Variants in GALNTL6 observed in about 807,000 individuals in gnomAD.
GALNTL6 encodes the protein polypeptide N-acetylgalactosaminyltransferase-like 6.
GALNTL6 carries 46 observed loss-of-function variants against 73.7 expected under a neutral mutation model. The observed-to-expected ratio is 0.62, with a 90% CI of 0.49 to 0.80. The LOEUF (loss-of-function observed/expected upper bound fraction) is 0.80. GALNTL6 is among the 30% of genes least tolerant of loss of function. The pLI is 0.00. For synonymous variants in GALNTL6, 259 were observed against 263.7 expected (o/e 0.98, Z 0.17); for missense variants, 604 against 755.0 (o/e 0.80, Z 2.34).
intron 3 of GALNTL6, among the ~76,000 whole-genome samples, chr4:172,264,679 T>A (rs1738392641): frequency 6.8e-6 from 1 of 147,928 alleles, no homozygotes; most frequent in South Asian, 2.1e-4. Context: ...TGTGTATATA[T>A]ATATATAATT....
chr4:172,419,449 T>C (rs1319107907), intron 5 of GALNTL6, among the ~76,000 whole-genome samples: 1 of 152,196 alleles, frequency 6.6e-6, no homozygotes, highest in Non-Finnish European at 1.5e-5. Context: ...TTCGATTTCT[T>C]TCTTTCAAAG....
intron 2 of GALNTL6, among the ~76,000 whole-genome samples, chr4:171,941,765 G>T (rs1211794151): frequency 6.6e-6 from 1 of 152,112 alleles, no homozygotes; most frequent in Non-Finnish European, 1.5e-5. Context: ...CGAACTGGCA[G>T]AATTTTTTTC....
intron 5 of GALNTL6, among the ~76,000 whole-genome samples, chr4:172,630,601 A>G (rs79508680): frequency 0.032 from 4,793 of 152,030 alleles, 123 homozygotes; most frequent in South Asian, 0.091. Context: ...TAAGACAGCC[A>G]TCCAATCCTC....
intron 2 of GALNTL6, among the ~76,000 whole-genome samples, chr4:172,069,665 T>C (rs1182056180): frequency 7.3e-5 from 7 of 95,472 alleles, no homozygotes; most frequent in Admixed American, 4.6e-4. Flanking sequence ...TCTGACAACA[T>C]ATGTGTAATT....
chr4:171,813,604 C>G lies in GALNTL6; in HGVS notation c.-556C>G, dbSNP rs1579475373. 6.6e-6 allele frequency: 1 copy of G among 152,360 alleles called. No homozygotes were observed. The highest frequency in any genetic ancestry group is 1.9e-4 in the East Asian group (1 of 5,188). The allele number at this position is 152,360 out of a possible 1,614,324, so 9.4% of individuals were successfully genotyped here. A position where few individuals can be genotyped will look rare whatever the true frequency, so the allele number is the denominator to read the frequency against. On this transcript the variant is annotated 5_prime_UTR_variant, in exon 1 of 13. Transcript: ENST00000506823. This position sits in a 1 kb window ranked among gnomAD's most constrained non-coding sequence, Gnocchi z 5.2. ...ATCAAAAAATATTGCCCTTTAGGTGCTCGTGATGGTCCTGTGGGTTCGTTC... is the reference window on the plus strand; with the variant it reads ...ATCAAAAAATATTGCCCTTTAGGTGGTCGTGATGGTCCTGTGGGTTCGTTC...
chr4:171,944,988 A>G (rs1738660183), intron 2 of GALNTL6, among the ~76,000 whole-genome samples: 2 of 152,044 alleles, frequency 1.3e-5, no homozygotes, highest in South Asian at 2.1e-4. Context: ...AAGAGTATAG[A>G]AAATATTAGT....
At chr4:172,197,462 A>G (rs1459724510) in intron 2 of GALNTL6, among the ~76,000 whole-genome samples, 1 of 152,176 alleles carries the variant, frequency 6.6e-6, no homozygotes, top group Admixed American at 6.5e-5. Context: ...ATATCAAACC[A>G]AAAAAGAATC....
intron 3 of GALNTL6, among the ~76,000 whole-genome samples, chr4:172,235,739 C>T (rs1737220804): frequency 6.6e-6 from 1 of 152,024 alleles, no homozygotes; most frequent in African/African-American, 2.4e-5. Flanking sequence ...GAACCTGTTA[C>T]TCCAGTTCTC....
intron 5 of GALNTL6, among the ~76,000 whole-genome samples, chr4:172,807,659 G>C (rs58933837): frequency 0.014 from 2,169 of 152,232 alleles, 49 homozygotes; most frequent in African/African-American, 0.048. Context: ...CCATTGTGGA[G>C]CTCCCTCCCA....
chr4:172,710,304 A>C (rs183011500), intron 5 of GALNTL6, among the ~76,000 whole-genome samples: 2 of 152,312 alleles, frequency 1.3e-5, no homozygotes, highest in East Asian at 1.9e-4. Context: ...GAAGAAAGCA[A>C]AGATGTGTTA....
At chr4:172,369,523 G>A (rs947113319) in intron 5 of GALNTL6, among the ~76,000 whole-genome samples, 1 of 152,192 alleles carries the variant, frequency 6.6e-6, no homozygotes, top group Non-Finnish European at 1.5e-5. Flanking sequence ...CGGAGCAGGG[G>A]GTGGCACCCG....
intron 2 of GALNTL6, among the ~76,000 whole-genome samples, chr4:171,855,108 G>C (rs1330320319): frequency 6.6e-6 from 1 of 151,952 alleles, no homozygotes; most frequent in African/African-American, 2.4e-5. Context: ...TAATTAGCCA[G>C]TTTTGATGTT....
At chr4:171,866,311 T>C (rs1735969347) in intron 2 of GALNTL6, among the ~76,000 whole-genome samples, 1 of 152,290 alleles carries the variant, frequency 6.6e-6, no homozygotes, top group African/African-American at 2.4e-5. Context: ...AAATTTTTTT[T>C]CTTAAATGCC....
rs568543884 is a variant in GALNTL6, at chr4:172,500,960, A to G, written c.553+152271A>G. ...TCCCTATGTTTCACAAATAGTGGTA[A>G]ATTGTCAAAACCAGTAGACTACTAT... On this transcript the variant is annotated intron_variant, in intron 5 of 12. Transcript: ENST00000506823. 2.0e-5 allele frequency among the ~76,000 whole-genome samples: 3 copies of G among 152,350 alleles called. No individual in the cohort carries two copies. In the South Asian group the frequency reaches 6.2e-4, roughly 32 times the overall value.
intron 2 of GALNTL6, among the ~76,000 whole-genome samples, chr4:172,081,142 T>C (rs1290358047): frequency 2.0e-5 from 3 of 152,196 alleles, no homozygotes; most frequent in Admixed American, 6.5e-5. Context: ...AATAGATATA[T>C]AGACATCAAA....
At chr4:172,421,399 G>A (rs568936812) in intron 5 of GALNTL6, among the ~76,000 whole-genome samples, 1 of 152,040 alleles carries the variant, frequency 6.6e-6, no homozygotes, top group South Asian at 2.1e-4. Flanking sequence ...AGAATATGCT[G>A]TGTGCTATAA....
chr4:172,385,385 A>G (rs1308059178), intron 5 of GALNTL6, among the ~76,000 whole-genome samples: 1 of 151,988 alleles, frequency 6.6e-6, no homozygotes, highest in African/African-American at 2.4e-5. Flanking sequence ...GAAATCTTCA[A>G]TATTTATCAC....
intron 2 of GALNTL6, among the ~76,000 whole-genome samples, chr4:172,058,550 A>G (rs1560904614): frequency 6.6e-6 from 1 of 151,834 alleles, no homozygotes; most frequent in Non-Finnish European, 1.5e-5. Context: ...GTGTGTGTGC[A>G]TGTACACTTG....
chr4:172,343,677 A>G (rs1274866890), intron 4 of GALNTL6, among the ~76,000 whole-genome samples: 1 of 152,186 alleles, frequency 6.6e-6, no homozygotes, highest in Non-Finnish European at 1.5e-5. Flanking sequence ...AAAAAATCAG[A>G]AAACGTTTAT....
Sources: gnomAD v4.1 joint callset for allele counts (sites outside exome capture counted in the v4.1 genomes callset) on GRCh38, gnomAD v4.1.1 for gene constraint, Gnocchi (gnomAD v3.1) non-coding constraint, MANE v1.5 for transcripts, NCBI Gene and HGNC (gene_info 2026-07-23, HGNC 2026-07-21) for gene names.